The following MYH11 variants were observed in gnomAD, a reference collection of about 807,000 sequenced individuals.
MYH11 encodes myosin heavy chain 11, also known as myosin-11.
Under a neutral mutation model 246.6 loss-of-function variants are expected in MYH11, and 80 were observed. The observed-to-expected ratio is 0.32, with a 90% confidence interval of 0.27 to 0.39. The LOEUF is 0.39. Among genes scored for constraint, MYH11 ranks in the 10% least tolerant of loss-of-function variants. The probability of loss-of-function intolerance (pLI) is 1.00; values close to 1 mark genes in which losing one functional copy is unlikely to be tolerated. For synonymous variants in MYH11, 1,071 were observed against 1,015.5 expected (o/e 1.05, Z -1.04); for missense variants, 2,158 against 2,546.8 (o/e 0.85, Z 3.29).
intron 40 of MYH11, among the ~76,000 whole-genome samples, chr16:15,712,309 T>G (rs1350797364): frequency 6.6e-6 from 1 of 152,104 alleles, no homozygotes; most frequent in East Asian, 1.9e-4. Context: ...CATGGAATTC[T>G]AAAGCGCCAA....
intron 2 of MYH11, among the ~76,000 whole-genome samples, chr16:15,835,435 C>T (rs1347480715): frequency 1.3e-5 from 2 of 152,172 alleles, no homozygotes; most frequent in Non-Finnish European, 2.9e-5. Context: ...GCTTTCTGAA[C>T]TCTCCAAGTG....
At position 15,705,627 on chromosome 16, in the gene MYH11, G is replaced by A. The variant is rs371604826; in HGVS notation, c.5787-1504C>T. Among the ~76,000 whole-genome samples the A allele has an allele frequency of 3.9e-5, 6 of 152,198 alleles. No individual in the cohort carries two copies. In the East Asian group the frequency reaches 7.7e-4, roughly 20 times the overall value. On this transcript the variant is annotated intron_variant, in intron 40 of 40. Transcript: ENST00000300036. ...AAGAGAGCAGACTTTTGCTCCCCAC[G>A]CAAGGGTTGGATAAGAAGCCATAAG...
chr16:15,746,944 C>G (rs1233151177), intron 19 of MYH11, among the ~76,000 whole-genome samples: 6 of 152,016 alleles, frequency 3.9e-5, no homozygotes, highest in Non-Finnish European at 7.4e-5. Context: ...AAAAATTAGG[C>G]CAGTGTGGTG....
At chr16:15,710,704 CAG>C (rs919662260) in intron 40 of MYH11, among the ~76,000 whole-genome samples, 4 of 150,690 alleles carry the variant, frequency 2.7e-5, no homozygotes, top group African/African-American at 9.8e-5. Flanking sequence ...TTTTTGGAGA[CAG>C]AGTCTTGCTC....
chr16:15,830,662 G>C (rs2043710724), intron 2 of MYH11, among the ~76,000 whole-genome samples: 1 of 152,142 alleles, frequency 6.6e-6, no homozygotes, highest in Non-Finnish European at 1.5e-5. Context: ...TGGATCACTT[G>C]AGGTCAGGAG....
At chr16:15,823,138 G>A (rs1369744655) in intron 3 of MYH11, 117 bp downstream of exon 3, 19 of 1,420,606 alleles carry the variant, frequency 1.3e-5, no homozygotes, top group Non-Finnish European at 1.9e-5. Flanking sequence ...TTCAGCCACA[G>A]TAACTCCTGG....
chr16:15,765,370 T>C (rs564415048), intron 9 of MYH11, among the ~76,000 whole-genome samples: 1 of 151,498 alleles, frequency 6.6e-6, no homozygotes, highest in African/African-American at 2.4e-5. Context: ...GGACAGAGGA[T>C]TGATGGATAG....
intron 3 of MYH11, among the ~76,000 whole-genome samples, 193 bp from the exon 4 acceptor site, chr16:15,798,880 A>T (rs573891303): frequency 1.3e-5 from 2 of 152,222 alleles, no homozygotes; most frequent in East Asian, 3.9e-4. Flanking sequence ...GGCAGCCCCA[A>T]AGTCCCAGAG....
intron 4 of MYH11, among the ~76,000 whole-genome samples, chr16:15,795,383 C>T (rs1016685322): frequency 6.6e-6 from 1 of 151,948 alleles, no homozygotes; most frequent in Non-Finnish European, 1.5e-5. Context: ...GGCCGAGGCT[C>T]CCCGGGTCAC....
At chr16:15,788,435 A>G (rs1465259126) in intron 4 of MYH11, among the ~76,000 whole-genome samples, 1 of 151,932 alleles carries the variant, frequency 6.6e-6, no homozygotes, top group Non-Finnish European at 1.5e-5. Flanking sequence ...AAGCTAGTAC[A>G]GTCTCTGCTC....
intron 3 of MYH11, among the ~76,000 whole-genome samples, chr16:15,821,842 C>T (rs1462752953): frequency 1.7e-5 from 2 of 119,956 alleles, no homozygotes; most frequent in East Asian, 2.5e-4. Flanking sequence ...GGCGTGAACC[C>T]GGGAAGCGGA....
intron 6 of MYH11, 54 bp downstream of exon 6, chr16:15,782,331 G>A: frequency 6.7e-7 from 1 of 1,484,558 alleles, no homozygotes; most frequent in Non-Finnish European, 9.4e-7. Context: ...GCAGCCCCAG[G>A]CAGGAGATGA....
intron 2 of MYH11, among the ~76,000 whole-genome samples, chr16:15,824,239 C>CT (rs2043498337): frequency 1.3e-5 from 2 of 151,334 alleles, no homozygotes; most frequent in South Asian, 4.1e-4. Flanking sequence ...GTGACGGGAG[C>CT]AGTTAAGTCT....
chr16:15,809,784 G>A, intron 3 of MYH11, among the ~76,000 whole-genome samples: 1 of 151,800 alleles, frequency 6.6e-6, no homozygotes, highest in East Asian at 2.0e-4. Context: ...TTAGCCAGTT[G>A]TACTGGTGCA....
In MYH11 at chr16:15,753,455, G is replaced by A. The variant is rs2041628554; in HGVS notation, c.1803C>T (p.Asp601=). Residue 601 remains aspartate (D), a synonymous_variant, in exon 15 of 41, where the codon GAC becomes GAT. Coordinates refer to ENST00000300036, the MANE Select transcript of MYH11 (RefSeq NM_002474.3). ...WLTKNMDPLN[D]NVTSLLNASS... is the part of the protein sequence containing the mutation. ...AGGCATTGAGCAGGGAAGTCACGTT[G>A]TCATTCAGCGGGTCCATATTCTTGG... The A allele has an allele frequency of 1.2e-6, 2 of 1,614,008 alleles. No individual in the cohort carries two copies. Among genetic ancestry groups the A allele is most frequent in the Non-Finnish European group, 1.7e-6 (2 of 1,180,032 alleles).
At chr16:15,758,514 C>T (rs1484017537) in intron 12 of MYH11, among the ~76,000 whole-genome samples, 1 of 151,480 alleles carries the variant, frequency 6.6e-6, no homozygotes, top group Non-Finnish European at 1.5e-5. Context: ...ACTAAAAATA[C>T]AAAAATTGGC....
chr16:15,717,776 A>G (rs1409855826), intron 37 of MYH11: 1 of 276,808 alleles, frequency 3.6e-6, no homozygotes, highest in East Asian at 9.2e-5. Flanking sequence ...AGCCTGGGCC[A>G]CAGAGAGACC....
intron 40 of MYH11, chr16:15,713,786 G>A (rs1164920358): frequency 6.6e-6 from 1 of 152,390 alleles, no homozygotes; most frequent in Non-Finnish European, 1.5e-5. Flanking sequence ...GCCCAGCCAA[G>A]CTTGAGTTTC....
At chr16:15,802,323 T>A (rs936162371) in intron 3 of MYH11, among the ~76,000 whole-genome samples, 1 of 152,204 alleles carries the variant, frequency 6.6e-6, no homozygotes, top group African/African-American at 2.4e-5. Context: ...GCACTGGCAT[T>A]GCCTCCATTT....
Sources: allele counts gnomAD v4.1 joint callset (sites outside exome capture counted in the v4.1 genomes callset), GRCh38; gene constraint gnomAD v4.1.1; transcripts MANE v1.5; gene names NCBI Gene and HGNC (gene_info 2026-07-23, HGNC 2026-07-21).